SEPTIN7: variants seen among roughly 807,000 people sequenced by gnomAD.
SEPTIN7 encodes septin-7.
In SEPTIN7, 10 loss-of-function variants were observed where a neutral mutation model predicts 63.3. The ratio of observed to expected loss-of-function variants is 0.16; its 90% CI spans 0.10 to 0.27. The LOEUF (loss-of-function observed/expected upper bound fraction) is 0.27. Ranked by LOEUF, SEPTIN7 falls within the 10% of genes least tolerant of loss-of-function variation. SEPTIN7 has a pLI of 1.00. For synonymous variants in SEPTIN7, 131 were observed against 165.3 expected (o/e 0.79, Z 1.59); for missense variants, 310 against 521.0 (o/e 0.59, Z 3.94).
Position 35,873,760 on chromosome 7 carries a change from C to T in SEPTIN7, c.497C>T (p.Ala166Val). 2 of 1,610,412 alleles carry T rather than the reference C, an allele frequency of 1.2e-6. No individual in the cohort carries two copies. Among genetic ancestry groups the T allele is most frequent in the Non-Finnish European group, 1.7e-6 (2 of 1,178,814 alleles). The change falls in exon 6 of 14, where the codon GCT becomes GTT. Residue 166 changes from alanine to valine, a missense_variant. Around this residue, in one of 2 missense-constraint regions of SEPTIN7, gnomAD observed 255 missense variants for 490.5 expected, o/e 0.52. Transcript: ENST00000350320. ...NRVQCCLYFIAPSGHGLKPLD... is the reference protein window; with the variant it reads ...NRVQCCLYFIVPSGHGLKPLD... ...GTGCAGTGTTGTTTATACTTCATTG[C>T]TCCTTCAGGACATGGGTCAGTACCT...
chr7:35,804,333 G>A (rs1261979862), intron 1 of SEPTIN7, among the ~76,000 whole-genome samples: 1 of 152,144 alleles, frequency 6.6e-6, no homozygotes, highest in Admixed American at 6.5e-5. Context: ...TTGTCTTCCT[G>A]TGTCCTTTTG....
chr7:35,840,717 T>C (rs1784369337), intron 3 of SEPTIN7, among the ~76,000 whole-genome samples: 1 of 152,148 alleles, frequency 6.6e-6, no homozygotes, highest in African/African-American at 2.4e-5. Flanking sequence ...ATGACTGTTT[T>C]AGATGCTTGA....
At chr7:35,878,890 G>A (rs1028013316) in intron 6 of SEPTIN7, among the ~76,000 whole-genome samples, 5 of 152,204 alleles carry the variant, frequency 3.3e-5, no homozygotes, top group African/African-American at 1.2e-4. Flanking sequence ...GATATGAGCT[G>A]TCTATGAAGA....
At chr7:35,873,229 T>G (rs1183105770) in intron 5 of SEPTIN7, among the ~76,000 whole-genome samples, 1 of 152,052 alleles carries the variant, frequency 6.6e-6, no homozygotes, top group Non-Finnish European at 1.5e-5. Context: ...CTTTTATTTT[T>G]GTTTGAATTC....
At chr7:35,876,497 A>G (rs185608598) in intron 6 of SEPTIN7, among the ~76,000 whole-genome samples, 1 of 152,198 alleles carries the variant, frequency 6.6e-6, no homozygotes, top group Non-Finnish European at 1.5e-5. Context: ...AGTGTTTTAT[A>G]TAATGATTAA....
intron 3 of SEPTIN7, chr7:35,847,097 G>T: frequency 5.3e-6 from 1 of 188,274 alleles, no homozygotes; most frequent in East Asian, 1.3e-4. Context: ...GCACACTTAC[G>T]GGAGTCTGCA....
intron 6 of SEPTIN7, among the ~76,000 whole-genome samples, chr7:35,875,278 TA>T (rs1010219406): frequency 3.3e-5 from 5 of 152,226 alleles, no homozygotes; most frequent in African/African-American, 1.2e-4. Flanking sequence ...TATAAAAATG[TA>T]CCTTTGAACA....
intron 8 of SEPTIN7, 65 bp downstream of exon 8, chr7:35,882,641 C>G (rs1786959230): frequency 8.1e-7 from 1 of 1,237,036 alleles, no homozygotes; most frequent in Non-Finnish European, 1.0e-6. Flanking sequence ...ACAGCGTCCA[C>G]AGGAAAGATC....
At chr7:35,870,197 G>A (rs1211038012) in intron 4 of SEPTIN7, among the ~76,000 whole-genome samples, 1 of 152,108 alleles carries the variant, frequency 6.6e-6, no homozygotes, top group Non-Finnish European at 1.5e-5. Context: ...GAGAAGAAAA[G>A]AAGCTTTATA....
intron 7 of SEPTIN7, among the ~76,000 whole-genome samples, chr7:35,882,013 G>A (rs1399156688): frequency 6.6e-6 from 1 of 151,920 alleles, no homozygotes; most frequent in Admixed American, 6.6e-5. Flanking sequence ...GAATGTTCAG[G>A]GAGCAGTGCT....
intron 9 of SEPTIN7, among the ~76,000 whole-genome samples, chr7:35,884,739 G>T (rs1255671691): frequency 6.6e-6 from 1 of 152,126 alleles, no homozygotes; most frequent in Non-Finnish European, 1.5e-5. Context: ...CATATTTAGA[G>T]TAAAAAAATT....
intron 3 of SEPTIN7, among the ~76,000 whole-genome samples, chr7:35,838,274 TTCCTTCCTTC>T (rs1562536750): frequency 8.0e-4 from 11 of 13,674 alleles, no homozygotes; most frequent in African/African-American, 4.6e-3. Context: ...CCTTCCTTCC[TTCCTTCCTTC>T]CTTCCTTCCT....
intron 11 of SEPTIN7, among the ~76,000 whole-genome samples, chr7:35,894,262 C>G (rs1183397822): frequency 6.6e-6 from 1 of 151,752 alleles, no homozygotes; most frequent in East Asian, 1.9e-4. Context: ...TCATTGGTAC[C>G]AATTGTGACA....
chr7:35,909,602 GA>G (rs1257497043), downstream of SEPTIN7, among the ~76,000 whole-genome samples: 1 of 152,182 alleles, frequency 6.6e-6, no homozygotes, highest in African/African-American at 2.4e-5. Context: ...AAGTCTAAGG[GA>G]AGGAAACAAA....
chr7:35,914,342 AG>A, the SEPTIN7 span, among the ~76,000 whole-genome samples: 2 of 152,348 alleles, frequency 1.3e-5, no homozygotes, highest in South Asian at 4.1e-4. Flanking sequence ...GGTATTATTT[AG>A]GTAAGATTAA....
chr7:35,872,194 T>C (rs1406736027), intron 4 of SEPTIN7, among the ~76,000 whole-genome samples: 1 of 152,154 alleles, frequency 6.6e-6, no homozygotes, highest in East Asian at 1.9e-4. Flanking sequence ...GAGTGAGTGG[T>C]TGGGGCCAAA....
At chr7:35,912,264 C>T in the SEPTIN7 span, among the ~76,000 whole-genome samples, 2 of 152,234 alleles carry the variant, frequency 1.3e-5, no homozygotes, top group Admixed American at 6.5e-5. Context: ...GCAAGGAACA[C>T]CTGGCCTGCC....
At chr7:35,802,983 T>C (rs1788096289) in intron 1 of SEPTIN7, among the ~76,000 whole-genome samples, 1 of 152,228 alleles carries the variant, frequency 6.6e-6, no homozygotes, top group Admixed American at 6.5e-5. Flanking sequence ...TGGGACAACA[T>C]GATGGAACCA....
At chr7:35,881,081 T>A (rs937744733) in intron 7 of SEPTIN7, among the ~76,000 whole-genome samples, 4 of 152,012 alleles carry the variant, frequency 2.6e-5, no homozygotes, top group African/African-American at 9.7e-5. Context: ...TTTTTCAATA[T>A]GAATTTCAGA....
Sources: allele counts gnomAD v4.1 joint callset (sites outside exome capture counted in the v4.1 genomes callset), GRCh38; gene constraint gnomAD v4.1.1; regional missense constraint gnomAD v4.1.1; transcripts MANE v1.5; gene names NCBI Gene and HGNC (gene_info 2026-07-23, HGNC 2026-07-21).